Variants in ADAM23 observed in about 807,000 individuals in gnomAD.
ADAM23 encodes disintegrin and metalloproteinase domain-containing protein 23.
ADAM23 carries 33 observed loss-of-function variants against 120.1 expected under a neutral mutation model. The observed-to-expected ratio is 0.27, with a 90% confidence interval of 0.21 to 0.37. The LOEUF is 0.37. ADAM23 is among the 10% of genes least tolerant of loss of function. The pLI is 1.00. For missense variants in ADAM23, 862 were observed against 1,058.2 expected (o/e 0.81, Z 2.57); for synonymous variants, 367 against 375.2 (o/e 0.98, Z 0.25).
At chr2:206,505,545 A>G (rs971799527) in intron 3 of ADAM23, among the ~76,000 whole-genome samples, 1 of 152,168 alleles carries the variant, frequency 6.6e-6, no homozygotes, top group Non-Finnish European at 1.5e-5. Flanking sequence ...GAAGCAGGCA[A>G]CGTCTTACAT....
chr2:206,535,384 G>A (rs1028530917), intron 4 of ADAM23, among the ~76,000 whole-genome samples: 4 of 152,162 alleles, frequency 2.6e-5, no homozygotes, highest in Non-Finnish European at 5.9e-5. Context: ...TGGCTGCTTG[G>A]CAGAACAGTT....
chr2:206,530,975 T>A (rs1574516405), intron 4 of ADAM23, 27 bp downstream of exon 4: 1 of 1,601,572 alleles, frequency 6.2e-7, no homozygotes. Context: ...CGGCAAGTAC[T>A]CTAGTATAAG....
intron 25 of ADAM23, among the ~76,000 whole-genome samples, chr2:206,612,101 GA>G (rs1214244088): frequency 6.6e-6 from 1 of 152,200 alleles, no homozygotes; most frequent in East Asian, 1.9e-4. Context: ...AATAATTCCA[GA>G]ACATGTAACT....
At chr2:206,541,470 A>G (rs1697288925) in intron 4 of ADAM23, among the ~76,000 whole-genome samples, 1 of 152,190 alleles carries the variant, frequency 6.6e-6, no homozygotes, top group Non-Finnish European at 1.5e-5. Flanking sequence ...ATATAGCCAA[A>G]CACCAGAAGA....
intron 9 of ADAM23, among the ~76,000 whole-genome samples, chr2:206,553,820 T>G (rs1049985259): frequency 6.6e-6 from 1 of 152,228 alleles, no homozygotes; most frequent in Non-Finnish European, 1.5e-5. Context: ...TGCTGGGCTT[T>G]AGGATAATCA....
chr2:206,557,451 G>A lies in ADAM23; in HGVS notation c.958G>A (p.Ala320Thr). The A allele has an allele frequency of 6.2e-7, 1 of 1,613,700 alleles. No homozygotes were observed. Among genetic ancestry groups the A allele is most frequent in the South Asian group, 1.1e-5 (1 of 91,062 alleles). The change falls in exon 10 of 26, where the codon GCA becomes ACA. Residue 320 changes from alanine (A) to threonine (T), a missense_variant. Ala to Thr is a moderately conservative substitution (Grantham distance 58, BLOSUM62 0). Transcript: ENST00000264377. Reference protein sequence around the residue: ...KTYKKHRSSHAHTNNFAKSVV... With the variant: ...KTYKKHRSSHTHTNNFAKSVV... ...GTATAAGAAGCATCGCTCTTCTCAT[G>A]CACATACCAACAACTTTGCAAAGTC...
intron 3 of ADAM23, among the ~76,000 whole-genome samples, chr2:206,524,962 A>G (rs572393012): frequency 3.3e-5 from 5 of 152,280 alleles, no homozygotes; most frequent in African/African-American, 1.2e-4. Context: ...TTGTAGACCA[A>G]CCTGACCTTC....
intron 22 of ADAM23, among the ~76,000 whole-genome samples, chr2:206,593,201 C>T (rs1053003779): frequency 2.0e-5 from 3 of 151,970 alleles, no homozygotes; most frequent in Non-Finnish European, 2.9e-5. Context: ...GTATGTATAC[C>T]GATAAGCAAA....
At chr2:206,452,336 A>T (rs76109016) in intron 2 of ADAM23, among the ~76,000 whole-genome samples, 3,200 of 152,336 alleles carry the variant, frequency 0.021, 52 homozygotes, top group Non-Finnish European at 0.033. Flanking sequence ...AGCAGCCTAC[A>T]GCTGAGCTGT....
At chr2:206,560,663 G>T (rs961588337) in intron 11 of ADAM23, among the ~76,000 whole-genome samples, 1 of 152,098 alleles carries the variant, frequency 6.6e-6, no homozygotes, top group Non-Finnish European at 1.5e-5. Context: ...CTCTTCCCCA[G>T]TCATGGCAAA....
chr2:206,560,873 A>G (rs1697749093), intron 11 of ADAM23, among the ~76,000 whole-genome samples: 1 of 152,224 alleles, frequency 6.6e-6, no homozygotes, highest in South Asian at 2.1e-4. Flanking sequence ...GTGTCTGTTT[A>G]TCTTGGTGTT....
intron 4 of ADAM23, among the ~76,000 whole-genome samples, chr2:206,531,331 G>A (rs1394509690): frequency 2.0e-5 from 3 of 152,138 alleles, no homozygotes; most frequent in Non-Finnish European, 2.9e-5. Context: ...GCCCAAGAAG[G>A]GCAGAGGACA....
At chr2:206,590,642 A>G (rs1032936686) in intron 21 of ADAM23, among the ~76,000 whole-genome samples, 1 of 152,214 alleles carries the variant, frequency 6.6e-6, no homozygotes, top group South Asian at 2.1e-4. Context: ...GTCTTTGATG[A>G]TGGATGAGGC....
intron 20 of ADAM23, among the ~76,000 whole-genome samples, 179 bp downstream of exon 20, chr2:206,588,333 T>G (rs1453920810): frequency 6.6e-6 from 1 of 152,210 alleles, no homozygotes; most frequent in Non-Finnish European, 1.5e-5. Flanking sequence ...AAACAACTGC[T>G]TAAGTTGGGT....
rs781491998 is a variant in ADAM23, at chr2:206,445,295, T to TA, written c.215-11dup. On this transcript the variant is annotated splice_polypyrimidine_tract_variant and intron_variant, in intron 1 of 25. Transcript: ENST00000264377. Reference sequence around the variant, plus strand: ...TGTATTTTCTGCTCCCCCACCCCCCTACCTCCACCAGCTCCGCATTGGAAT... The same window carrying TA: ...TGTATTTTCTGCTCCCCCACCCCCCTAACCTCCACCAGCTCCGCATTGGAAT... 1 of 1,603,770 alleles carries TA rather than the reference T, an allele frequency of 6.2e-7. No homozygotes were observed. Among genetic ancestry groups the TA allele is most frequent in the South Asian group, 1.1e-5 (1 of 90,650 alleles).
rs142026092 is a variant in ADAM23 at position 206,555,827 on chromosome 2, C to T, written c.934-1600C>T. Among the ~76,000 whole-genome samples, 90 of 152,288 alleles carry T rather than the reference C, an allele frequency of 5.9e-4. 1 individual carries two copies. In the East Asian group the frequency reaches 0.016, roughly 26 times the overall value. ...TCAGCTAATGTTTTCTCTTTCAATCCACAATTCAGTGGAACTAGAACATTT... is the reference window on the plus strand; with the variant it reads ...TCAGCTAATGTTTTCTCTTTCAATCTACAATTCAGTGGAACTAGAACATTT... On this transcript the variant is annotated intron_variant, in intron 9 of 25. Transcript: ENST00000264377.
At chr2:206,601,913 T>A (rs1458702565) in intron 24 of ADAM23, among the ~76,000 whole-genome samples, 3 of 152,138 alleles carry the variant, frequency 2.0e-5, no homozygotes, top group Non-Finnish European at 2.9e-5. Context: ...TTTTATGGAA[T>A]TAGATAAGAA....
intron 2 of ADAM23, among the ~76,000 whole-genome samples, chr2:206,462,970 C>T (rs1322254108): frequency 1.3e-5 from 2 of 152,024 alleles, no homozygotes; most frequent in Non-Finnish European, 2.9e-5. Flanking sequence ...GCAGGGATAC[C>T]AGTTGGGAGG....
chr2:206,596,559 G>A (rs10490744), intron 24 of ADAM23, among the ~76,000 whole-genome samples: 11,627 of 152,152 alleles, frequency 0.076, 567 homozygotes, highest in Admixed American at 0.14. Context: ...GAATCTCTCC[G>A]GAAGGAAGTT....
Sources: allele counts gnomAD v4.1 joint callset (sites outside exome capture counted in the v4.1 genomes callset), GRCh38; gene constraint gnomAD v4.1.1; transcripts MANE v1.5; gene names NCBI Gene and HGNC (gene_info 2026-07-23, HGNC 2026-07-21).